RTCB: variants seen among roughly 807,000 people sequenced by gnomAD.
RTCB encodes the protein RNA 2',3'-cyclic phosphate and 5'-OH ligase.
A neutral mutation model predicts 58.2 loss-of-function variants in RTCB; 32 were observed. The observed-to-expected ratio is 0.55, with a 90% CI of 0.41 to 0.74. RTCB has a LOEUF of 0.74. Ranked by LOEUF, RTCB falls within the 30% of genes least tolerant of loss-of-function variation. RTCB has a pLI of 0.00. For synonymous variants in RTCB, 247 were observed against 218.6 expected (o/e 1.13, Z -1.15); for missense variants, 523 against 639.0 (o/e 0.82, Z 1.96).
intron 11 of RTCB, among the ~76,000 whole-genome samples, chr22:32,388,934 C>T (rs1026641682): frequency 5.9e-5 from 9 of 152,136 alleles, no homozygotes; most frequent in Admixed American, 2.0e-4. Flanking sequence ...TACTGAAACA[C>T]GGATCTTTCC....
chr22:32,409,767 A>T (rs1461602308), intron 1 of RTCB, among the ~76,000 whole-genome samples: 1 of 152,142 alleles, frequency 6.6e-6, no homozygotes, highest in African/African-American at 2.4e-5. Flanking sequence ...TAGAAAGAAT[A>T]TAAGATCTTC....
intron 8 of RTCB, 61 bp downstream of exon 8, chr22:32,396,013 G>GT: frequency 6.4e-7 from 1 of 1,561,590 alleles, no homozygotes; most frequent in South Asian, 1.2e-5. Context: ...ACTGCACTAT[G>GT]TTTTAAAGCA....
intron 7 of RTCB, among the ~76,000 whole-genome samples, chr22:32,396,505 T>C (rs1569441113): frequency 6.6e-6 from 1 of 152,230 alleles, no homozygotes; most frequent in Non-Finnish European, 1.5e-5. Context: ...GAGAATGGGA[T>C]GTGTAAACAA....
rs184520331 is a variant in RTCB, at chr22:32,389,720, T to A, written c.1411-1621A>T. On this transcript the variant is annotated intron_variant, in intron 11 of 11. Coordinates refer to ENST00000216038, the MANE Select transcript of RTCB (RefSeq NM_014306.5). ...CCTCTCATCTATTCAAGGACACTTC[T>A]CCAGCAATTTCCTCCCTCTTTTCTG... Among the ~76,000 whole-genome samples, 37 of 152,336 alleles carry A rather than the reference T, an allele frequency of 2.4e-4. 1 individual carries two copies. Among genetic ancestry groups the A allele is most frequent in the African/African-American group, 8.9e-4 (37 of 41,590 alleles).
chr22:32,394,390 C>T (rs147163679), intron 9 of RTCB, among the ~76,000 whole-genome samples: 11 of 152,240 alleles, frequency 7.2e-5, no homozygotes, highest in East Asian at 1.9e-4. Flanking sequence ...GGATTACAGG[C>T]GTAAGCCACC....
At chr22:32,396,768 T>C (rs1277434821) in intron 7 of RTCB, among the ~76,000 whole-genome samples, 2 of 152,204 alleles carry the variant, frequency 1.3e-5, no homozygotes, top group Non-Finnish European at 2.9e-5. Context: ...ATCTGTAACA[T>C]GGAATTTTAA....
chr22:32,408,202 A>G lies in RTCB; in HGVS notation c.213T>C (p.Asn71=). 1 of 1,614,232 alleles carries G rather than the reference A, an allele frequency of 6.2e-7. No individual in the cohort carries two copies. Among genetic ancestry groups the G allele is most frequent in the South Asian group, 1.1e-5 (1 of 91,082 alleles). The change falls in exon 3 of 12, where the codon AAT becomes AAC. Residue 71 remains asparagine (N), a synonymous_variant. Transcript: ENST00000216038. ...GFLPAMKQIG[N]VAALPGIVHR... ...GAACAATTCCAGGCAGGGCTGCCAC[A>G]TTGCCAATCTGTTTCATGGCTGGCA...
At chr22:32,411,840 G>C (rs965850919) in intron 1 of RTCB, among the ~76,000 whole-genome samples, 2 of 152,148 alleles carry the variant, frequency 1.3e-5, no homozygotes, top group African/African-American at 4.8e-5. Context: ...CATATCCACC[G>C]CACTTAGCTT....
chr22:32,402,238 C>T (rs534855679), intron 4 of RTCB, among the ~76,000 whole-genome samples: 6 of 152,212 alleles, frequency 3.9e-5, no homozygotes, highest in African/African-American at 1.4e-4. Context: ...CCAACTTTTG[C>T]GTTTCTTGGT....
chr22:32,391,798 T>A (rs1310778788), intron 11 of RTCB, among the ~76,000 whole-genome samples: 4 of 152,270 alleles, frequency 2.6e-5, no homozygotes, highest in Non-Finnish European at 4.4e-5. Flanking sequence ...TATATTGCTT[T>A]TAATTTAAAT....
chr22:32,398,117 G>A lies in RTCB; in HGVS notation c.655-17C>T. On this transcript the variant is annotated splice_polypyrimidine_tract_variant and intron_variant, in intron 6 of 11. Transcript: ENST00000216038. ...GGTCCCCAACTGCAAATGTAAAAATGTCTGGTAAGATAGTTTTTATTCCAG... is the reference window on the plus strand; with the variant it reads ...GGTCCCCAACTGCAAATGTAAAAATATCTGGTAAGATAGTTTTTATTCCAG... 1 of 1,606,052 alleles carries A rather than the reference G, an allele frequency of 6.2e-7. No homozygotes were observed. The highest frequency in any genetic ancestry group is 8.5e-7 in the Non-Finnish European group (1 of 1,177,704).
At position 32,392,357 on chromosome 22, in the gene RTCB, G is replaced by A; in HGVS notation, c.1293C>T (p.Gly431=). Residue 431 remains glycine, a splice_region_variant and synonymous_variant, in exon 11 of 12, where the codon GGC becomes GGT. Coordinates refer to ENST00000216038, the MANE Select transcript of RTCB (RefSeq NM_014306.5). ...GAGATTTTGCTCGGGACAATGCACG[G>A]CCCTAGAATGGGAAAGGAATGAACT... is the stretch of plus-strand genomic sequence containing the variant. The part of the protein sequence containing the change: ...ETFGTTCHGA[G]RALSRAKSRR... 6.2e-7 allele frequency: 1 copy of A among 1,613,666 alleles called. No homozygotes were observed. The highest frequency in any genetic ancestry group is 8.5e-7 in the Non-Finnish European group (1 of 1,179,784).
intron 4 of RTCB, 116 bp from the exon 5 acceptor site, chr22:32,402,019 A>G: frequency 3.6e-6 from 4 of 1,106,832 alleles, no homozygotes; most frequent in Non-Finnish European, 5.1e-6. Context: ...ACTATGTTTT[A>G]AAGTAGACAA....
At chr22:32,399,969 C>A in intron 5 of RTCB, 1 of 415,770 alleles carries the variant, frequency 2.4e-6, no homozygotes, top group Non-Finnish European at 4.3e-6. Context: ...TGATAAATGC[C>A]CTATTAGACA....
rs554389645 is a variant in RTCB at position 32,393,341 on chromosome 22, C to T, written c.1290+551G>A. Among the ~76,000 whole-genome samples, 6 of 152,256 alleles carry T rather than the reference C, an allele frequency of 3.9e-5. No homozygotes were observed. In the East Asian group the frequency reaches 1.2e-3, roughly 29 times the overall value. Reference sequence around the variant, plus strand: ...ATAGCTGGTACACAGACCATCTGGTCCCAAAAGCCTAAAATATTTACGGTC... The same window carrying T: ...ATAGCTGGTACACAGACCATCTGGTTCCAAAAGCCTAAAATATTTACGGTC... On this transcript the variant is annotated intron_variant, in intron 10 of 11. Coordinates refer to ENST00000216038, the MANE Select transcript of RTCB (RefSeq NM_014306.5).
rs1207105791 is a variant in RTCB, at chr22:32,387,702, T to C, written c.*290A>G. On this transcript the variant is annotated 3_prime_UTR_variant, in exon 12 of 12. Transcript: ENST00000216038. ...GATCAGTATGACTGCGTAAGGCAGT[T>C]TGACATCTACCCATCCCTAACAGAT... 6.0e-6 allele frequency: 2 copies of C among 331,482 alleles called. No homozygotes were observed. The highest frequency in any genetic ancestry group is 4.1e-5 in the Admixed American group (1 of 24,250). The allele number at this position is 331,482 out of a possible 1,614,324, so 20.5% of individuals were successfully genotyped here.
intron 11 of RTCB, among the ~76,000 whole-genome samples, chr22:32,388,880 C>G (rs987923726): frequency 2.0e-5 from 3 of 151,936 alleles, no homozygotes; most frequent in Non-Finnish European, 4.4e-5. Context: ...AGCAAAATCC[C>G]CTCCCTCCCT....
At chr22:32,396,745 G>C (rs752439639) in intron 7 of RTCB, among the ~76,000 whole-genome samples, 1 of 152,148 alleles carries the variant, frequency 6.6e-6, no homozygotes, top group Non-Finnish European at 1.5e-5. Context: ...ACAATAAAAT[G>C]GACTAGAGGC....
At position 32,408,259 on chromosome 22, in the gene RTCB, G is replaced by A; in HGVS notation, c.173-17C>T. ...CACCAACACCTGAAGACAAAAATTG[G>A]GTATTAGAAAAGACAACACACTTGA... On this transcript the variant is annotated splice_polypyrimidine_tract_variant and intron_variant, in intron 2 of 11. Transcript: ENST00000216038. 1 of 1,610,500 alleles carries A rather than the reference G, an allele frequency of 6.2e-7. No homozygotes were observed. Among genetic ancestry groups the A allele is most frequent in the Non-Finnish European group, 8.5e-7 (1 of 1,177,034 alleles).
Sources: allele counts gnomAD v4.1 joint callset (sites outside exome capture counted in the v4.1 genomes callset), GRCh38; gene constraint gnomAD v4.1.1; transcripts MANE v1.5; gene names NCBI Gene and HGNC (gene_info 2026-07-23, HGNC 2026-07-21).